The following ATXN7L1 variants were observed in gnomAD, a reference collection of about 807,000 sequenced individuals.
ATXN7L1 encodes ataxin-7-like protein 1.
In ATXN7L1, 15 loss-of-function variants were observed where a neutral mutation model predicts 70.8. The ratio of observed to expected loss-of-function variants is 0.21; its 90% CI spans 0.14 to 0.33. ATXN7L1 has a LOEUF of 0.33. Among genes scored for constraint, ATXN7L1 ranks in the 10% least tolerant of loss-of-function variants. The pLI is 1.00. For synonymous variants in ATXN7L1, 440 were observed against 445.1 expected, an observed-to-expected ratio of 0.99 and a Z score of 0.14; for missense variants, 975 against 1,097.1, an observed-to-expected ratio of 0.89 and a Z score of 1.57.
Position 105,610,576 on chromosome 7 carries a change from A to G in ATXN7L1, c.2500T>C (p.Ser834Pro). 1.9e-6 allele frequency: 3 copies of G among 1,551,250 alleles called. No individual in the cohort carries two copies. Among genetic ancestry groups the G allele is most frequent in the Non-Finnish European group, 1.7e-6 (2 of 1,146,936 alleles). ...GATATACTTGAAGGACTGGATTGTG[A>G]CAAAGCTAGGCTGCTATTTTTCCCA... Reference protein sequence around the residue: ...QVGKNSSLALSQSSPSSISSP... With the variant: ...QVGKNSSLALPQSSPSSISSP... Residue 834 changes from serine to proline, a missense_variant, in exon 11 of 12, where the codon TCA becomes CCA. Coordinates refer to ENST00000419735, the MANE Select transcript of ATXN7L1 (RefSeq NM_020725.2).
intron 2 of ATXN7L1, among the ~76,000 whole-genome samples, chr7:105,820,667 C>A (rs1810004413): frequency 6.6e-6 from 1 of 152,158 alleles, no homozygotes; most frequent in Non-Finnish European, 1.5e-5. Context: ...ACCAACAGAT[C>A]ACCTTGATAT....
intron 3 of ATXN7L1, among the ~76,000 whole-genome samples, chr7:105,749,754 T>C (rs1798980025): frequency 6.6e-6 from 1 of 151,810 alleles, no homozygotes; most frequent in South Asian, 2.1e-4. Context: ...AGATCACTTG[T>C]GGGGCTTCTG....
chr7:105,768,444 G>A (rs1311143066), intron 3 of ATXN7L1, among the ~76,000 whole-genome samples: 4 of 150,398 alleles, frequency 2.7e-5, no homozygotes, highest in African/African-American at 7.3e-5. Flanking sequence ...AATGAGAGAC[G>A]TTAACAGGAT....
chr7:105,798,976 C>T (rs1242335991), intron 2 of ATXN7L1, among the ~76,000 whole-genome samples: 1 of 152,222 alleles, frequency 6.6e-6, no homozygotes, highest in Non-Finnish European at 1.5e-5. Context: ...ACTAGGTCTT[C>T]TATTACTGTT....
chr7:105,760,603 T>C (rs6953345), intron 3 of ATXN7L1: 54,604 of 971,404 alleles, frequency 0.056, 2,247 homozygotes, highest in African/African-American at 0.2. Flanking sequence ...TGAGTCCCCA[T>C]CCTCACAGAG....
In ATXN7L1 at chr7:105,728,585, C is replaced by T. The variant is rs550799108; in HGVS notation, c.355+60019G>A. The stretch of plus-strand genomic sequence containing the variant: ...CAGTTAGAAGACACACACTTATTTT[C>T]TTGTTCTGCCATCTGAGAAGGCCCA... On this transcript the variant is annotated intron_variant, in intron 3 of 11. Coordinates refer to ENST00000419735, the MANE Select transcript of ATXN7L1 (RefSeq NM_020725.2). 4.4e-4 allele frequency among the ~76,000 whole-genome samples: 67 copies of T among 152,262 alleles called. No individual in the cohort carries two copies. In the South Asian group the frequency reaches 6.8e-3, roughly 16 times the overall value.
At position 105,614,515 on chromosome 7, in the gene ATXN7L1, T is replaced by C; in HGVS notation, c.1819A>G (p.Ile607Val). The change falls in exon 10 of 12, where the codon ATA becomes GTA. Residue 607 changes from isoleucine to valine, a missense_variant. Ile to Val is a conservative substitution (Grantham distance 29, BLOSUM62 3). Coordinates refer to ENST00000419735, the MANE Select transcript of ATXN7L1 (RefSeq NM_020725.2). This position sits in a 1 kb window ranked among gnomAD's most constrained non-coding sequence, Gnocchi z 4.3. ...TFKAPSAVSP[I>V]PAVIPSPSHK... Reference sequence around the variant, plus strand: ...GATGGGGAAGGGATGACGGCTGGTATCGGGGACACGGCGGATGGGGCCTTG... The same window carrying C: ...GATGGGGAAGGGATGACGGCTGGTACCGGGGACACGGCGGATGGGGCCTTG... 1 of 1,534,068 alleles carries C rather than the reference T, an allele frequency of 6.5e-7. No individual in the cohort carries two copies. The highest frequency in any genetic ancestry group is 8.8e-7 in the Non-Finnish European group (1 of 1,136,976).
At chr7:105,769,596 G>A (rs1025078603) in intron 3 of ATXN7L1, among the ~76,000 whole-genome samples, 3 of 152,022 alleles carry the variant, frequency 2.0e-5, no homozygotes, top group Non-Finnish European at 2.9e-5. Context: ...TAGGGTGACC[G>A]GCTGACTCAG....
chr7:105,666,464 A>C (rs997658427), intron 3 of ATXN7L1, among the ~76,000 whole-genome samples: 1 of 152,190 alleles, frequency 6.6e-6, no homozygotes, highest in African/African-American at 2.4e-5. Context: ...TCATTAGGGC[A>C]CCTTTCCTGG....
rs529520056 is a variant in ATXN7L1, at chr7:105,702,646, A to G, written c.356-37358T>C. Among the ~76,000 whole-genome samples the G allele has an allele frequency of 4.4e-4, 67 of 152,344 alleles. 1 individual carries two copies. In the South Asian group the frequency reaches 0.011, roughly 25 times the overall value. On this transcript the variant is annotated intron_variant, in intron 3 of 11. Transcript: ENST00000419735. ...TGCAGCAGGGTAACAATGCCTATAA[A>G]GTGCTAGAGTATTAAAAAATAAAAA...
intron 2 of ATXN7L1, among the ~76,000 whole-genome samples, chr7:105,833,502 G>T (rs191204172): frequency 6.6e-6 from 1 of 152,300 alleles, no homozygotes; most frequent in African/African-American, 2.4e-5. Flanking sequence ...AATAAAATCA[G>T]CCTTGGAATC....
At chr7:105,633,899 G>A (rs1796977778) in intron 7 of ATXN7L1, among the ~76,000 whole-genome samples, 1 of 152,218 alleles carries the variant, frequency 6.6e-6, no homozygotes, top group African/African-American at 2.4e-5. Context: ...GGAGCAAAGG[G>A]AGAAACAGGG....
intron 2 of ATXN7L1, among the ~76,000 whole-genome samples, chr7:105,853,820 G>A (rs1486740219): frequency 2.6e-5 from 4 of 152,080 alleles, no homozygotes; most frequent in African/African-American, 9.7e-5. Context: ...TCTATATTGT[G>A]GCTTTAACAA....
At chr7:105,639,965 GGAGAGCCACCT>G (rs1037287995) in intron 5 of ATXN7L1, among the ~76,000 whole-genome samples, 228 of 152,320 alleles carry the variant, frequency 1.5e-3, no homozygotes, top group African/African-American at 5.3e-3. Flanking sequence ...TGCAGACCAG[GGAGAGCCACCT>G]GAGACCCAAC....
chr7:105,726,507 C>G (rs1017631078), intron 3 of ATXN7L1, among the ~76,000 whole-genome samples: 1 of 152,188 alleles, frequency 6.6e-6, no homozygotes, highest in African/African-American at 2.4e-5. Flanking sequence ...GAAAGCAGCG[C>G]TGTCACCTTC....
intron 2 of ATXN7L1, among the ~76,000 whole-genome samples, chr7:105,798,084 A>C (rs1806262057): frequency 6.6e-6 from 1 of 152,248 alleles, no homozygotes. Flanking sequence ...TTACGAGGTC[A>C]ATAATTGTCT....
chr7:105,861,000 C>A (rs984664610), intron 2 of ATXN7L1, among the ~76,000 whole-genome samples: 1 of 152,058 alleles, frequency 6.6e-6, no homozygotes. Flanking sequence ...GCACAGGGTG[C>A]GGAGAAGGTC....
chr7:105,683,751 G>A (rs1009339621), intron 3 of ATXN7L1, among the ~76,000 whole-genome samples: 1 of 151,762 alleles, frequency 6.6e-6, no homozygotes, highest in African/African-American at 2.4e-5. Context: ...ACAAACACAC[G>A]CACATGCACA....
At chr7:105,858,858 G>A (rs1816121546) in intron 2 of ATXN7L1, among the ~76,000 whole-genome samples, 1 of 151,868 alleles carries the variant, frequency 6.6e-6, no homozygotes, top group Admixed American at 6.6e-5. Flanking sequence ...CATTTTAAAT[G>A]GCAATGTTTT....
Sources: allele counts gnomAD v4.1 joint callset (sites outside exome capture counted in the v4.1 genomes callset), GRCh38; gene constraint gnomAD v4.1.1; non-coding constraint Gnocchi (gnomAD v3.1); transcripts MANE v1.5; gene names NCBI Gene and HGNC (gene_info 2026-07-23, HGNC 2026-07-21).